The following RC3H2 variants were observed in gnomAD, a reference collection of about 807,000 sequenced individuals.
RC3H2 encodes the protein roquin-2.
A neutral mutation model predicts 133.3 loss-of-function variants in RC3H2; 31 were observed. That is an observed-to-expected ratio of 0.23 (90% confidence interval 0.17 to 0.31). The LOEUF (loss-of-function observed/expected upper bound fraction) is 0.31, where lower values mean the gene tolerates loss of function less well. RC3H2 is among the 10% of genes least tolerant of loss of function. RC3H2 has a pLI of 1.00. For missense variants in RC3H2, 1,175 were observed against 1,437.2 expected (o/e 0.82, Z 2.95); for synonymous variants, 517 against 502.2 (o/e 1.03, Z -0.40).
At chr9:122,867,263 C>G (rs1375366650) in intron 9 of RC3H2, among the ~76,000 whole-genome samples, 4 of 122,466 alleles carry the variant, frequency 3.3e-5, no homozygotes, top group East Asian at 2.3e-4. Flanking sequence ...GGCCAGCCGC[C>G]CCGTCCGGGA....
intron 10 of RC3H2, among the ~76,000 whole-genome samples, chr9:122,860,792 A>G (rs1243279605): frequency 6.6e-6 from 1 of 152,200 alleles, no homozygotes; most frequent in African/African-American, 2.4e-5. Flanking sequence ...ACAAGTTCTC[A>G]ACCGAAAAAA....
intron 4 of RC3H2, among the ~76,000 whole-genome samples, chr9:122,884,854 A>G (rs1397944153): frequency 6.9e-6 from 1 of 144,250 alleles, no homozygotes; most frequent in Non-Finnish European, 1.5e-5. Flanking sequence ...TCCGTCTCCA[A>G]AAAAAAAAAA....
Position 122,880,086 on chromosome 9 carries a change from A to G in RC3H2, c.1000T>C (p.Leu334=). 1 of 1,614,160 alleles carries G rather than the reference A, an allele frequency of 6.2e-7. No homozygotes were observed. Among genetic ancestry groups the G allele is most frequent in the African/African-American group, 1.3e-5 (1 of 75,052 alleles). The change falls in exon 7 of 21, where the codon TTG becomes CTG. Residue 334 remains leucine, a synonymous_variant. Coordinates refer to ENST00000357244, the MANE Select transcript of RC3H2 (RefSeq NM_001100588.3). ...PESFAKSVQE[L]TIVLQRTGDP... ...CCTGTTCGTTGCAAAACAATTGTCA[A>G]TTCCTGGACACTCTTTGCAAATGAC...
intron 4 of RC3H2, among the ~76,000 whole-genome samples, chr9:122,884,701 A>G (rs1331054537): frequency 3.3e-5 from 5 of 152,032 alleles, no homozygotes; most frequent in Non-Finnish European, 5.9e-5. Context: ...AAAAATATAA[A>G]AATTAGCTGG....
chr9:122,902,301 T>G (rs944395059), intron 1 of RC3H2, among the ~76,000 whole-genome samples: 2 of 152,234 alleles, frequency 1.3e-5, no homozygotes, highest in Non-Finnish European at 2.9e-5. Flanking sequence ...AGATAGAACT[T>G]ACTTCTGCCT....
At chr9:122,869,300 G>A (rs1473168757) in intron 9 of RC3H2, among the ~76,000 whole-genome samples, 2 of 152,086 alleles carry the variant, frequency 1.3e-5, no homozygotes, top group Admixed American at 6.5e-5. Context: ...CTAAAGTAAT[G>A]TTATTAATGT....
intron 1 of RC3H2, among the ~76,000 whole-genome samples, chr9:122,899,916 C>T (rs777557279): frequency 2.1e-4 from 32 of 152,288 alleles, no homozygotes; most frequent in Middle Eastern, 3.4e-3. Context: ...AAAATAAGAG[C>T]AAATACCTTT....
intron 5 of RC3H2, among the ~76,000 whole-genome samples, chr9:122,881,573 T>C (rs1831635119): frequency 6.6e-6 from 1 of 151,818 alleles, no homozygotes; most frequent in Non-Finnish European, 1.5e-5. Flanking sequence ...TAAGATATGA[T>C]ACAGGCTAGA....
rs781132453 is a variant in RC3H2 at position 122,855,169 on chromosome 9, A to G, written c.2815+15T>C. ...CTTAGAACATATCAGGCTAGGTATT[A>G]TCTAAATGGATTACCTGATACACTG... On this transcript the variant is annotated intron_variant, in intron 15 of 20. Coordinates refer to ENST00000357244, the MANE Select transcript of RC3H2 (RefSeq NM_001100588.3). The G allele has an allele frequency of 6.3e-7, 1 of 1,577,468 alleles. No homozygotes were observed. Among genetic ancestry groups the G allele is most frequent in the South Asian group, 1.1e-5 (1 of 90,214 alleles).
At chr9:122,881,270 T>G (rs530355559) in intron 5 of RC3H2, among the ~76,000 whole-genome samples, 15 of 152,058 alleles carry the variant, frequency 9.9e-5, no homozygotes, top group African/African-American at 3.6e-4. Context: ...GCAGATCACT[T>G]GAAGTCAGGA....
chr9:122,854,669 G>T, intron 15 of RC3H2, 54 bp from the exon 16 acceptor site: 1 of 1,121,748 alleles, frequency 8.9e-7, no homozygotes, highest in Non-Finnish European at 1.4e-6. Context: ...TCAGTGTACT[G>T]AGGTGAATGT....
At chr9:122,850,683 C>T (rs1260319817) in intron 20 of RC3H2, among the ~76,000 whole-genome samples, 1 of 152,008 alleles carries the variant, frequency 6.6e-6, no homozygotes, top group Non-Finnish European at 1.5e-5. Flanking sequence ...GTGATCCACC[C>T]GCCTCAGCCT....
chr9:122,870,333 C>A (rs1483474382), intron 9 of RC3H2, among the ~76,000 whole-genome samples: 1 of 151,378 alleles, frequency 6.6e-6, no homozygotes, highest in African/African-American at 2.4e-5. Context: ...CGAGATTGTG[C>A]CACTGTACTC....
At chr9:122,856,159 T>C (rs1345717342) in intron 13 of RC3H2, among the ~76,000 whole-genome samples, 1 of 151,930 alleles carries the variant, frequency 6.6e-6, no homozygotes, top group Non-Finnish European at 1.5e-5. Flanking sequence ...GGTACTAACA[T>C]GGTATGGGGT....
intron 10 of RC3H2, among the ~76,000 whole-genome samples, chr9:122,863,886 C>T (rs1189405572): frequency 2.0e-5 from 3 of 152,104 alleles, no homozygotes; most frequent in Non-Finnish European, 2.9e-5. Flanking sequence ...TACAGGCATG[C>T]GCCACCATGC....
chr9:122,859,225 C>CTAA, intron 11 of RC3H2, 123 bp from the exon 12 acceptor site: 1 of 669,646 alleles, frequency 1.5e-6, no homozygotes, highest in Non-Finnish European at 2.2e-6. Context: ...CTTACCTTAC[C>CTAA]CTGCTTTATA....
In RC3H2 at chr9:122,847,270, AAT is replaced by A. The variant is rs1420245988; in HGVS notation, c.*2355_*2356del. ...TTTTAAAATTAAAAAGATAAGGTTA[AAT>A]ACACAAGATCAATTTATGTAGTATA... On this transcript the variant is annotated 3_prime_UTR_variant, in exon 21 of 21. Transcript: ENST00000357244. 1 of 152,108 alleles carries A rather than the reference AAT, an allele frequency of 6.6e-6. No homozygotes were observed. Among genetic ancestry groups the A allele is most frequent in the Non-Finnish European group, 1.5e-5 (1 of 67,974 alleles). 9.4% of individuals were successfully genotyped at this position (152,108 alleles called of 1,614,324 possible).
chr9:122,901,619 TCTCA>T (rs1832652377), intron 1 of RC3H2, among the ~76,000 whole-genome samples: 1 of 143,390 alleles, frequency 7.0e-6, no homozygotes, highest in Admixed American at 7.4e-5. Flanking sequence ...GATGGAGGAG[TCTCA>T]CTCTGTTGCC....
At chr9:122,897,640 C>G in intron 1 of RC3H2, 64 bp from the exon 2 acceptor site, 1 of 1,095,600 alleles carries the variant, frequency 9.1e-7, no homozygotes, top group Non-Finnish European at 1.3e-6. Context: ...GAGTTAATTG[C>G]TTAAGTCAAC....
Sources: gnomAD v4.1 joint callset for allele counts (sites outside exome capture counted in the v4.1 genomes callset) on GRCh38, gnomAD v4.1.1 for gene constraint, MANE v1.5 for transcripts, NCBI Gene and HGNC (gene_info 2026-07-23, HGNC 2026-07-21) for gene names.